Variants in BBS4 observed in about 807,000 individuals in gnomAD.
BBS4 encodes BBSome complex member BBS4.
Under a neutral mutation model 71.4 loss-of-function variants are expected in BBS4, and 58 were observed. That is an observed-to-expected ratio of 0.81 (90% CI 0.66 to 1.01). BBS4 has a LOEUF of 1.01. Among genes scored for constraint, BBS4 ranks in the 50% least tolerant of loss-of-function variants. BBS4 has a pLI of 0.00. For missense variants in BBS4, 660 were observed against 607.9 expected, an observed-to-expected ratio of 1.09 and a Z score of -0.90; for synonymous variants, 228 against 216.8, an observed-to-expected ratio of 1.05 and a Z score of -0.46.
intron 2 of BBS4, chr15:72,704,592 G>T: frequency 1.8e-6 from 1 of 543,184 alleles, no homozygotes; most frequent in Non-Finnish European, 3.0e-6. Context: ...AAAAATAACA[G>T]CAACAGGCCC....
intron 6 of BBS4, among the ~76,000 whole-genome samples, chr15:72,720,411 T>G (rs1230431768): frequency 6.6e-6 from 1 of 150,546 alleles, no homozygotes; most frequent in Non-Finnish European, 1.5e-5. Context: ...CCCAGGAGGT[T>G]GAGGCTGCAG....
intron 2 of BBS4, among the ~76,000 whole-genome samples, chr15:72,700,072 TG>T (rs1389588267): frequency 1.3e-5 from 2 of 152,198 alleles, no homozygotes; most frequent in African/African-American, 4.8e-5. Flanking sequence ...CCTGAGTAGC[TG>T]GGACTATAGG....
In BBS4 at chr15:72,738,129, A is replaced by G; in HGVS notation, c.*542A>G. The G allele has an allele frequency of 2.2e-6, 1 of 452,680 alleles. No individual in the cohort carries two copies. Among genetic ancestry groups the G allele is most frequent in the Non-Finnish European group, 4.4e-6 (1 of 226,440 alleles). The allele number at this position is 452,680 out of a possible 1,614,324, so 28.0% of individuals were successfully genotyped here. On this transcript the variant is annotated 3_prime_UTR_variant, in exon 16 of 16. Coordinates refer to ENST00000268057, the MANE Select transcript of BBS4 (RefSeq NM_033028.5). ...ACAAAAGCCCTGGAAGTTGAGGCCA[A>G]GCCTGCTGAGTATTGCAGCTGCATT... is the stretch of plus-strand genomic sequence containing the variant.
intron 1 of BBS4, among the ~76,000 whole-genome samples, chr15:72,688,923 T>C (rs990300655): frequency 2.6e-5 from 4 of 152,166 alleles, no homozygotes; most frequent in African/African-American, 9.7e-5. Context: ...AAAAAGAATG[T>C]TACAACTAAT....
chr15:72,695,533 C>A (rs1402967973), intron 2 of BBS4, among the ~76,000 whole-genome samples: 2 of 152,176 alleles, frequency 1.3e-5, no homozygotes. Context: ...GTGATCTGCC[C>A]ACCTTGGCCT....
intron 1 of BBS4, among the ~76,000 whole-genome samples, chr15:72,692,965 A>G (rs2150994370): frequency 6.6e-6 from 1 of 152,212 alleles, no homozygotes; most frequent in African/African-American, 2.4e-5. Flanking sequence ...AAAAAAACTG[A>G]ATTTCCATCT....
intron 2 of BBS4, among the ~76,000 whole-genome samples, chr15:72,700,857 CAGACTG>C: frequency 6.6e-6 from 1 of 152,240 alleles, no homozygotes. Context: ...ATCCTTACCC[CAGACTG>C]AGTTGTGTGT....
chr15:72,703,107 G>A (rs905096641), intron 2 of BBS4, among the ~76,000 whole-genome samples: 8 of 151,944 alleles, frequency 5.3e-5, no homozygotes, highest in African/African-American at 1.9e-4. Context: ...CATCGCGCCC[G>A]GCCGAGGAGC....
In BBS4 at chr15:72,695,233, G is replaced by A. The variant is rs1567398866; in HGVS notation, c.76+5G>A. 6.3e-7 allele frequency: 1 copy of A among 1,576,940 alleles called. No homozygotes were observed. Among genetic ancestry groups the A allele is most frequent in the East Asian group, 2.2e-5 (1 of 44,632 alleles). On this transcript the variant is annotated splice_donor_5th_base_variant and intron_variant, in intron 2 of 15. Transcript: ENST00000268057. ...AAAAACCCCGGCAGAAAAAAGGTCT[G>A]TATGCAGTTTCATGGTATGTGTATG... is the stretch of plus-strand genomic sequence containing the variant.
intron 6 of BBS4, among the ~76,000 whole-genome samples, chr15:72,717,895 C>G (rs532971068): frequency 4.1e-4 from 62 of 152,194 alleles, no homozygotes; most frequent in Non-Finnish European, 4.9e-4. Context: ...GTTGCCCAGG[C>G]TGGAGTGCAG....
At chr15:72,691,708 G>A (rs1171366342) in intron 1 of BBS4, among the ~76,000 whole-genome samples, 1 of 152,144 alleles carries the variant, frequency 6.6e-6, no homozygotes, top group African/African-American at 2.4e-5. Flanking sequence ...GCTTACGCCT[G>A]TAATCCTAGC....
intron 1 of BBS4, among the ~76,000 whole-genome samples, chr15:72,688,411 C>CCTTTTTTTTTTTTTTTTTT (rs2064914934): frequency 1.2e-5 from 1 of 83,052 alleles, no homozygotes; most frequent in Non-Finnish European, 2.1e-5. Context: ...GGTATTTTAT[C>CCTTTTTTTTTTTTTTTTTT]TTTTTTTTTT....
At chr15:72,707,824 G>A (rs997612934) in intron 2 of BBS4, among the ~76,000 whole-genome samples, 2 of 152,096 alleles carry the variant, frequency 1.3e-5, no homozygotes, top group Admixed American at 1.3e-4. Context: ...TTTCTGTATT[G>A]TGAGCCATTT....
In BBS4 at chr15:72,719,644, T is replaced by C. The variant is rs141997939; in HGVS notation, c.405+2794T>C. Among the ~76,000 whole-genome samples the C allele has an allele frequency of 4.2e-3, 638 of 152,270 alleles. 5 individuals carry two copies. The highest frequency in any genetic ancestry group is 0.015 in the African/African-American group (615 of 41,542). On this transcript the variant is annotated intron_variant, in intron 6 of 15. Coordinates refer to ENST00000268057, the MANE Select transcript of BBS4 (RefSeq NM_033028.5). ...TCACAGGGGGAATGGAACGTATTTC[T>C]TAATCTATCCAGTTGGTTGAAAGAG...
intron 4 of BBS4, among the ~76,000 whole-genome samples, chr15:72,714,600 T>A (rs1406089353): frequency 6.6e-6 from 1 of 152,202 alleles, no homozygotes; most frequent in African/African-American, 2.4e-5. Flanking sequence ...TTTTGACTCT[T>A]GGGTGTAAAT....
Position 72,731,436 on chromosome 15 carries a change from T to G in BBS4, c.843T>G (p.Phe281Leu). Residue 281 changes from phenylalanine to leucine, a missense_variant, in exon 11 of 16, where the codon TTT becomes TTG. Coordinates refer to ENST00000268057, the MANE Select transcript of BBS4 (RefSeq NM_033028.5). ...PLWNNIGMCF[F>L]GKKKYVAAIS... is the part of the protein sequence containing the mutation. Reference sequence around the variant, plus strand: ...GGAATAACATTGGAATGTGTTTCTTTGGCAAGAAGAAATATGTGGCGGTGA... The same window carrying G: ...GGAATAACATTGGAATGTGTTTCTTGGGCAAGAAGAAATATGTGGCGGTGA... 6.2e-7 allele frequency: 1 copy of G among 1,614,222 alleles called. No individual in the cohort carries two copies. Among genetic ancestry groups the G allele is most frequent in the Non-Finnish European group, 8.5e-7 (1 of 1,180,054 alleles).
chr15:72,714,774 G>A lies in BBS4; in HGVS notation c.221-517G>A, dbSNP rs2065438540. On this transcript the variant is annotated intron_variant, in intron 4 of 15. Coordinates refer to ENST00000268057, the MANE Select transcript of BBS4 (RefSeq NM_033028.5). ...CTTTCAGTGCCTGATAAATTCTTCT[G>A]GAAACATAGGCCTAGGAAAAACCTC... 2.0e-5 allele frequency among the ~76,000 whole-genome samples: 3 copies of A among 152,120 alleles called. No homozygotes were observed. In the South Asian group the frequency reaches 6.2e-4, roughly 32 times the overall value.
intron 6 of BBS4, among the ~76,000 whole-genome samples, chr15:72,722,159 A>G (rs1471189681): frequency 6.6e-6 from 1 of 152,246 alleles, no homozygotes; most frequent in Non-Finnish European, 1.5e-5. Flanking sequence ...CTGTACTTAT[A>G]AAAAAGGGCA....
At chr15:72,731,767 A>C in intron 12 of BBS4, 41 bp downstream of exon 12, 1 of 1,609,234 alleles carries the variant, frequency 6.2e-7, no homozygotes, top group East Asian at 2.2e-5. Flanking sequence ...TGCCATCTGT[A>C]ATGAGGGAAA....
Sources: gnomAD v4.1 joint callset for allele counts (sites outside exome capture counted in the v4.1 genomes callset) on GRCh38, gnomAD v4.1.1 for gene constraint, MANE v1.5 for transcripts, NCBI Gene and HGNC (gene_info 2026-07-23, HGNC 2026-07-21) for gene names.